The following NCAM2 variants were observed in gnomAD, a reference collection of about 807,000 sequenced individuals.
The protein encoded by NCAM2 is N-CAM-2.
NCAM2 carries 30 observed loss-of-function variants against 98.1 expected under a neutral mutation model. That is an observed-to-expected ratio of 0.31 (90% CI 0.23 to 0.41). The LOEUF (loss-of-function observed/expected upper bound fraction) is 0.41. Ranked by LOEUF, NCAM2 falls within the 10% of genes least tolerant of loss-of-function variation. The probability of loss-of-function intolerance (pLI) is 1.00; values close to 1 mark genes in which losing one functional copy is unlikely to be tolerated. For synonymous variants in NCAM2, 368 were observed against 342.4 expected, an observed-to-expected ratio of 1.07 and a Z score of -0.83; for missense variants, 867 against 1,005.8, an observed-to-expected ratio of 0.86 and a Z score of 1.87.
chr21:21,229,312 A>G (rs2070522354), intron 1 of NCAM2, among the ~76,000 whole-genome samples: 1 of 151,620 alleles, frequency 6.6e-6, no homozygotes, highest in Non-Finnish European at 1.5e-5. Context: ...TTATAGACAC[A>G]TTTCTCATTT....
At chr21:21,227,587 AT>A (rs2070439950) in intron 1 of NCAM2, among the ~76,000 whole-genome samples, 1 of 151,852 alleles carries the variant, frequency 6.6e-6, no homozygotes, top group Non-Finnish European at 1.5e-5. Flanking sequence ...GAGCTTCCGA[AT>A]AGAAAATGAA....
chr21:21,309,572 G>C (rs1293669819), intron 5 of NCAM2, among the ~76,000 whole-genome samples: 1 of 152,144 alleles, frequency 6.6e-6, no homozygotes, highest in African/African-American at 2.4e-5. Flanking sequence ...CCTGGCCTCA[G>C]TTACTTTCCT....
intron 12 of NCAM2, among the ~76,000 whole-genome samples, chr21:21,449,543 C>T (rs1349800580): frequency 1.3e-5 from 2 of 151,884 alleles, no homozygotes; most frequent in East Asian, 1.9e-4. Flanking sequence ...TTATTGATAG[C>T]GCATTTTAGA....
chr21:21,405,390 T>C (rs1027536888), intron 9 of NCAM2, among the ~76,000 whole-genome samples: 4 of 152,142 alleles, frequency 2.6e-5, no homozygotes, highest in Admixed American at 2.6e-4. Context: ...CCTAATTTCT[T>C]CATAAATGTC....
At chr21:21,038,413 C>T (rs550981666) in intron 1 of NCAM2, among the ~76,000 whole-genome samples, 239 of 152,272 alleles carry the variant, frequency 1.6e-3, no homozygotes, top group African/African-American at 5.2e-3. Context: ...ACATAAATCT[C>T]TTCTTGAACT....
At chr21:21,237,610 C>G (rs561262158) in intron 1 of NCAM2, among the ~76,000 whole-genome samples, 23 of 151,942 alleles carry the variant, frequency 1.5e-4, no homozygotes, top group African/African-American at 4.6e-4. Flanking sequence ...TTATTTTTCC[C>G]TCTTATGAAA....
chr21:21,400,471 T>C (rs1417000293), intron 9 of NCAM2, among the ~76,000 whole-genome samples: 2 of 152,168 alleles, frequency 1.3e-5, no homozygotes. Context: ...ATTATATACT[T>C]ATTAAGAAGA....
intron 1 of NCAM2, among the ~76,000 whole-genome samples, chr21:21,265,117 T>C (rs1363437760): frequency 2.4e-4 from 11 of 45,546 alleles, no homozygotes; most frequent in South Asian, 8.9e-4. Context: ...TATATATACA[T>C]ACATATATTA....
chr21:21,369,763 T>C (rs2075872285), intron 8 of NCAM2, among the ~76,000 whole-genome samples: 1 of 151,834 alleles, frequency 6.6e-6, no homozygotes, highest in South Asian at 2.1e-4. Flanking sequence ...CTTATTGTAG[T>C]CTTGTTTATT....
At chr21:21,125,356 A>ATTTTACATATATATGTAATATATAATG in intron 1 of NCAM2, among the ~76,000 whole-genome samples, 1 of 146,924 alleles carries the variant, frequency 6.8e-6, no homozygotes, top group South Asian at 2.1e-4. Flanking sequence ...GGGAGATAAT[A>ATTTTACATATATATGTAATATATAATG]TTTTACATAT....
intron 16 of NCAM2, among the ~76,000 whole-genome samples, chr21:21,523,935 T>A (rs1181905404): frequency 6.6e-6 from 1 of 151,988 alleles, no homozygotes; most frequent in East Asian, 1.9e-4. Context: ...ATTAATCCAT[T>A]GTATCAGTAA....
chr21:21,394,885 T>C (rs567431975), intron 9 of NCAM2, among the ~76,000 whole-genome samples: 13 of 152,306 alleles, frequency 8.5e-5, no homozygotes, highest in African/African-American at 2.9e-4. Context: ...GTATTTCTCA[T>C]CTTCTTTTAA....
At chr21:21,522,632 C>CTTTTTT (rs61635255) in intron 16 of NCAM2, among the ~76,000 whole-genome samples, 32 of 124,738 alleles carry the variant, frequency 2.6e-4, no homozygotes, top group East Asian at 9.6e-4. Flanking sequence ...TTTTCTTTTT[C>CTTTTTT]TTTTTTTTTT....
chr21:21,348,536 C>A (rs1184396421), intron 8 of NCAM2, among the ~76,000 whole-genome samples: 1 of 152,064 alleles, frequency 6.6e-6, no homozygotes, highest in Admixed American at 6.6e-5. Flanking sequence ...AAGCAATCTA[C>A]AGATTCAGTG....
intron 8 of NCAM2, among the ~76,000 whole-genome samples, chr21:21,347,775 A>G (rs1336686600): frequency 6.6e-6 from 1 of 152,048 alleles, no homozygotes; most frequent in Non-Finnish European, 1.5e-5. Context: ...TAGACAAATC[A>G]TTCATCATGA....
chr21:21,375,847 C>T (rs2076021574), intron 9 of NCAM2, among the ~76,000 whole-genome samples: 1 of 151,388 alleles, frequency 6.6e-6, no homozygotes, highest in Admixed American at 6.6e-5. Context: ...AACATATTAT[C>T]TTAATGAAAC....
rs188678812 is a variant in NCAM2, at chr21:21,388,005, T to A, written c.1195+13992T>A. On this transcript the variant is annotated intron_variant, in intron 9 of 17. Transcript: ENST00000400546. Reference sequence around the variant, plus strand: ...TAATTATCACGTTGGAAACTGCTGATCAAAGCCAGGTTTGAATAAGGAGCT... The same window carrying A: ...TAATTATCACGTTGGAAACTGCTGAACAAAGCCAGGTTTGAATAAGGAGCT... Among the ~76,000 whole-genome samples the A allele has an allele frequency of 1.1e-3, 161 of 152,288 alleles. 1 individual carries two copies. The highest frequency in any genetic ancestry group is 1.9e-3 in the Non-Finnish European group (130 of 68,022).
At chr21:21,147,535 C>A (rs1329005086) in intron 1 of NCAM2, among the ~76,000 whole-genome samples, 1 of 151,002 alleles carries the variant, frequency 6.6e-6, no homozygotes, top group Non-Finnish European at 1.5e-5. Context: ...AATAATGCAG[C>A]CACAGTATAC....
intron 11 of NCAM2, among the ~76,000 whole-genome samples, chr21:21,422,625 T>C (rs1305826254): frequency 6.6e-6 from 1 of 152,168 alleles, no homozygotes; most frequent in African/African-American, 2.4e-5. Flanking sequence ...GAAAAAGTAA[T>C]CTTTCTATGT....
Sources: gnomAD v4.1 joint callset for allele counts (sites outside exome capture counted in the v4.1 genomes callset) on GRCh38, gnomAD v4.1.1 for gene constraint, MANE v1.5 for transcripts, NCBI Gene and HGNC (gene_info 2026-07-23, HGNC 2026-07-21) for gene names.